Variants in SLC26A1 observed in about 807,000 individuals in gnomAD.
The protein encoded by SLC26A1 is sulfate anion transporter 1.
In SLC26A1, 18 loss-of-function variants were observed where a neutral mutation model predicts 14.5. That is an observed-to-expected ratio of 1.24 (90% CI 0.86 to 1.84). SLC26A1 has a LOEUF of 1.84. Ranked by LOEUF, SLC26A1 falls within the 40% of genes most tolerant of loss-of-function variation. The pLI, the probability that SLC26A1 is intolerant of heterozygous loss-of-function variation, is 0.00. For synonymous variants in SLC26A1, 505 were observed against 492.0 expected (o/e 1.03, Z -0.35); for missense variants, 1,049 against 1,020.0 (o/e 1.03, Z -0.39).
At chr4:987,050 G>C (rs770958734), downstream of SLC26A1, 2 of 1,514,490 alleles carry the variant, frequency 1.3e-6, no homozygotes, top group South Asian at 2.4e-5. Flanking sequence ...CGGCAGTGCA[G>C]CCCGAAGCCC....
downstream of SLC26A1, among the ~76,000 whole-genome samples, chr4:985,738 C>T (rs1713696433): frequency 6.6e-6 from 1 of 152,052 alleles, no homozygotes; most frequent in African/African-American, 2.4e-5. Flanking sequence ...CACACTATTT[C>T]ACTTTTAAAT....
intron 2 of SLC26A1, among the ~76,000 whole-genome samples, chr4:982,359 T>C (rs1238738537): frequency 2.0e-5 from 3 of 152,196 alleles, no homozygotes; most frequent in Non-Finnish European, 2.9e-5. Context: ...CTGTCCTCGG[T>C]GGCTTGCCGG....
downstream of SLC26A1, among the ~76,000 whole-genome samples, chr4:983,873 G>A (rs892420234): frequency 1.3e-5 from 2 of 152,228 alleles, no homozygotes; most frequent in African/African-American, 4.8e-5. Flanking sequence ...TGCCCAGGCT[G>A]GAGTGCAGTG....
chr4:982,337 G>A (rs1340485678), intron 2 of SLC26A1, among the ~76,000 whole-genome samples: 1 of 152,172 alleles, frequency 6.6e-6, no homozygotes. Flanking sequence ...CTGTGGGAGG[G>A]GGCGGCTTCC....
rs749299830 is a variant in SLC26A1, at chr4:989,136, C to T, written c.1803G>A (p.Ala601=). Residue 601 remains alanine, a synonymous_variant, in exon 3 of 3, where the codon GCG becomes GCA. Transcript: ENST00000398516. ...GGAAGCCGGCCGCTGCGGGCACCAG[C>T]GCAGCCCTGGTGCTAACCGGGCCCA... The part of the protein sequence containing the change: ...EDLGPVSTRA[A]LVPAAAGFHT... The T allele has an allele frequency of 2.2e-5, 35 of 1,607,246 alleles. No homozygotes were observed. In the East Asian group the frequency reaches 3.6e-4, roughly 16 times the overall value.
downstream of SLC26A1, chr4:987,183 T>A: frequency 6.8e-7 from 1 of 1,473,436 alleles, no homozygotes; most frequent in Non-Finnish European, 8.9e-7. Context: ...ACCTGGTGCA[T>A]GTGGACGCGG....
chr4:981,818 C>CT (rs1361036913), intron 2 of SLC26A1, among the ~76,000 whole-genome samples: 20 of 151,576 alleles, frequency 1.3e-4, no homozygotes, highest in African/African-American at 2.7e-4. Flanking sequence ...GCCGTCCACT[C>CT]TTTTTTTTTC....
downstream of SLC26A1, chr4:987,074 C>T (rs760459772): frequency 6.7e-7 from 1 of 1,497,740 alleles, no homozygotes; most frequent in African/African-American, 1.5e-5. Flanking sequence ...AGTCCCCGAG[C>T]ACGCGTGGCC....
chr4:981,135 G>A (rs1352836857), intron 2 of SLC26A1, among the ~76,000 whole-genome samples: 3 of 152,302 alleles, frequency 2.0e-5, no homozygotes, highest in East Asian at 3.9e-4. Context: ...GCAGTTCACC[G>A]CCACCTCCAA....
chr4:992,161 A>G (rs1401741596), intron 1 of SLC26A1: 2 of 467,240 alleles, frequency 4.3e-6, no homozygotes, highest in East Asian at 6.7e-5. Context: ...TCAGAATGTC[A>G]CAGTCACTGG....
In SLC26A1 at chr4:989,194, AC is replaced by A. The variant is rs748817496; in HGVS notation, c.1744del (p.Val582SerfsTer41). 1.1e-5 allele frequency: 18 copies of A among 1,605,672 alleles called. No individual in the cohort carries two copies. The highest frequency in any genetic ancestry group is 2.2e-5 in the East Asian group (1 of 44,630). ...GCCCTGGGCAGGGCCTCCCTCACCG[AC>A]CCCCGTCTCTGAGCCCCCCTCCTTC... ...RRKEGGSETG[V>X]GEGGPAQGED... is the part of the protein sequence containing the mutation. On this transcript the variant is annotated frameshift_variant, in exon 3 of 3. Transcript: ENST00000398516. LOFTEE classifies it low-confidence loss of function (END_TRUNC).
chr4:985,331 C>A (rs1479715384), downstream of SLC26A1, among the ~76,000 whole-genome samples: 1 of 152,260 alleles, frequency 6.6e-6, no homozygotes, highest in Non-Finnish European at 1.5e-5. Context: ...CGGCTTGTCC[C>A]TGCAGAGCCC....
chr4:985,476 G>A (rs1384207062), downstream of SLC26A1, among the ~76,000 whole-genome samples: 1 of 152,254 alleles, frequency 6.6e-6, no homozygotes, highest in Non-Finnish European at 1.5e-5. Flanking sequence ...CTGCACCACG[G>A]TGTGGGACTG....
downstream of SLC26A1, chr4:986,763 A>G (rs778735855): frequency 1.2e-5 from 6 of 507,366 alleles, no homozygotes; most frequent in South Asian, 9.2e-5. Context: ...TCTCAAAAAC[A>G]CACAAAAACA....
At chr4:991,839 G>C in intron 1 of SLC26A1, 109 bp from the exon 2 acceptor site, 1 of 1,528,382 alleles carries the variant, frequency 6.5e-7, no homozygotes, top group Non-Finnish European at 8.8e-7. Flanking sequence ...CCCACCCAGG[G>C]CCGGGGATTG....
downstream of SLC26A1, among the ~76,000 whole-genome samples, chr4:986,182 A>G (rs894400539): frequency 6.6e-6 from 1 of 152,050 alleles, no homozygotes; most frequent in African/African-American, 2.4e-5. Context: ...CTGCAATTCC[A>G]AAGTGCTGGG....
rs1300501994 is a variant in SLC26A1 at position 990,289 on chromosome 4, A to G, written c.650T>C (p.Met217Thr). Reference sequence around the variant, plus strand: ...GGTCAGGATGGTCACGGAGGCCCCCATGGCAAAGCCATCGAGCAGTGGCTG... The same window carrying G: ...GGTCAGGATGGTCACGGAGGCCCCCGTGGCAAAGCCATCGAGCAGTGGCTG... The part of the protein sequence containing the change: ...LSQPLLDGFA[M>T]GASVTILTSQ... Residue 217 changes from methionine (M) to threonine (T), a missense_variant, in exon 3 of 3, where the codon ATG becomes ACG. Coordinates refer to ENST00000398516, the MANE Select transcript of SLC26A1 (RefSeq NM_022042.4). The G allele has an allele frequency of 4.1e-5, 66 of 1,603,134 alleles. No individual in the cohort carries two copies. Among genetic ancestry groups the G allele is most frequent in the Non-Finnish European group, 5.1e-5 (60 of 1,176,488 alleles).
intron 2 of SLC26A1, among the ~76,000 whole-genome samples, chr4:982,202 C>G (rs1383696628): frequency 6.6e-6 from 1 of 152,240 alleles, no homozygotes; most frequent in Non-Finnish European, 1.5e-5. Flanking sequence ...CCCTGAGCCT[C>G]TGGCCTCATC....
In SLC26A1 at chr4:989,691, G is replaced by A. The variant is rs368544205; in HGVS notation, c.1248C>T (p.Ser416=). The A allele has an allele frequency of 1.9e-5, 30 of 1,562,598 alleles. No individual in the cohort carries two copies. Among genetic ancestry groups the A allele is most frequent in the South Asian group, 4.7e-5 (4 of 85,124 alleles). ...TATGCRTQLS[S]VVSATVVLLV... The stretch of plus-strand genomic sequence containing the variant: ...GCAGCACCACGGTGGCGCTGACCAC[G>A]CTGGACAGCTGTGTCCGGCAGCCAG... The change falls in exon 3 of 3, where the codon AGC becomes AGT. Residue 416 remains serine, a synonymous_variant. Coordinates refer to ENST00000398516, the MANE Select transcript of SLC26A1 (RefSeq NM_022042.4).
Sources: allele counts gnomAD v4.1 joint callset (sites outside exome capture counted in the v4.1 genomes callset), GRCh38; gene constraint gnomAD v4.1.1; transcripts MANE v1.5; gene names NCBI Gene and HGNC (gene_info 2026-07-23, HGNC 2026-07-21).